Variants in PKP4 observed in about 807,000 individuals in gnomAD.
PKP4 encodes the protein plakophilin-4.
PKP4 carries 90 observed loss-of-function variants against 145.1 expected under a neutral mutation model. The observed-to-expected ratio is 0.62, with a 90% confidence interval of 0.52 to 0.74. The LOEUF is 0.74. Ranked by LOEUF, PKP4 falls within the 30% of genes least tolerant of loss-of-function variation. The pLI is 0.00. For synonymous variants in PKP4, 563 were observed against 577.2 expected, an observed-to-expected ratio of 0.98 and a Z score of 0.35; for missense variants, 1,340 against 1,482.7, an observed-to-expected ratio of 0.90 and a Z score of 1.58.
At chr2:158,531,602 C>T (rs2043551873) in intron 1 of PKP4, among the ~76,000 whole-genome samples, 1 of 152,104 alleles carries the variant, frequency 6.6e-6, no homozygotes, top group African/African-American at 2.4e-5. Flanking sequence ...AATAAGCATT[C>T]CACATACACT....
chr2:158,517,684 G>C (rs2042041414), intron 1 of PKP4, among the ~76,000 whole-genome samples: 1 of 152,070 alleles, frequency 6.6e-6, no homozygotes, highest in Admixed American at 6.5e-5. Context: ...GAGAGGCCCA[G>C]GCGGGTAGAT....
chr2:158,617,955 G>A (rs2051807085), intron 4 of PKP4, among the ~76,000 whole-genome samples: 1 of 152,196 alleles, frequency 6.6e-6, no homozygotes, highest in Non-Finnish European at 1.5e-5. Context: ...GGCCAAGATG[G>A]GCAGATCACT....
intron 4 of PKP4, among the ~76,000 whole-genome samples, chr2:158,610,237 AATGTT>A (rs2051016507): frequency 6.6e-6 from 1 of 152,022 alleles, no homozygotes; most frequent in African/African-American, 2.4e-5. Flanking sequence ...TTTCCGAGGG[AATGTT>A]ATGTTAGCGC....
intron 11 of PKP4, among the ~76,000 whole-genome samples, chr2:158,649,160 G>A (rs752818080): frequency 2.6e-5 from 4 of 152,152 alleles, no homozygotes; most frequent in Non-Finnish European, 5.9e-5. Context: ...AGAGAACTTT[G>A]AACTGGAAAG....
chr2:158,555,530 T>G (rs543676054), intron 2 of PKP4, among the ~76,000 whole-genome samples: 23 of 152,344 alleles, frequency 1.5e-4, no homozygotes, highest in African/African-American at 4.8e-4. Flanking sequence ...CATAAATGCT[T>G]CTCTGTTCTT....
chr2:158,523,958 G>C (rs2042695399), intron 1 of PKP4, among the ~76,000 whole-genome samples: 1 of 90,454 alleles, frequency 1.1e-5, no homozygotes, highest in African/African-American at 4.8e-5. Context: ...AATGAGCAAA[G>C]CCTCCAAGAA....
chr2:158,571,869 C>G (rs1000444822), intron 2 of PKP4, among the ~76,000 whole-genome samples: 1 of 152,080 alleles, frequency 6.6e-6, no homozygotes. Context: ...TCCTGCTCAT[C>G]AAAGGAGCGG....
rs1276624379 is a variant in PKP4, at chr2:158,528,046, A to C, written c.-5-5134A>C. On this transcript the variant is annotated intron_variant, in intron 1 of 21. Coordinates refer to ENST00000389759, the MANE Select transcript of PKP4 (RefSeq NM_003628.6). ...ACTTTTACACTGTTGGTGGGACTGT[A>C]AACTAGTTCAACCATTGTGGAAGTC... is the stretch of plus-strand genomic sequence containing the variant. Among the ~76,000 whole-genome samples the C allele has an allele frequency of 9.5e-4, 42 of 44,248 alleles. 4 individuals are homozygous for C. In the South Asian group the frequency reaches 0.048, roughly 51 times the overall value. 29.0% of individuals were successfully genotyped at this position (44,248 alleles called of 152,430 possible). A position where few individuals can be genotyped will look rare whatever the true frequency, so the allele number is the denominator to read the frequency against.
At chr2:158,523,000 A>T (rs1016680473) in intron 1 of PKP4, among the ~76,000 whole-genome samples, 1 of 152,060 alleles carries the variant, frequency 6.6e-6, no homozygotes. Context: ...AATCTCGCTG[A>T]TTGCTAGCAC....
intron 4 of PKP4, among the ~76,000 whole-genome samples, chr2:158,609,042 C>A (rs544312442): frequency 6.6e-6 from 1 of 151,914 alleles, no homozygotes; most frequent in Admixed American, 6.6e-5. Context: ...GTCTCGAACT[C>A]CTAACCTCAG....
At position 158,542,172 on chromosome 2, in the gene PKP4, G is replaced by A. The variant is rs374276770; in HGVS notation, c.132+8856G>A. On this transcript the variant is annotated intron_variant, in intron 2 of 21. Coordinates refer to ENST00000389759, the MANE Select transcript of PKP4 (RefSeq NM_003628.6). ...CCCATGGTTTAAGTCTAGGACTATT[G>A]GAAGGGATGCTGCTTACTGGAGATT... 5.9e-4 allele frequency among the ~76,000 whole-genome samples: 90 copies of A among 152,180 alleles called. 3 individuals carry two copies. The South Asian group carries it at 0.018, about 30-fold the overall frequency.
chr2:158,551,448 A>T (rs757800539), intron 2 of PKP4, among the ~76,000 whole-genome samples: 16 of 152,200 alleles, frequency 1.1e-4, no homozygotes, highest in Admixed American at 2.6e-4. Context: ...TACTAAAACC[A>T]TCTCAGTTAG....
At chr2:158,640,822 G>T in intron 10 of PKP4, 63 bp downstream of exon 10, 1 of 1,562,630 alleles carries the variant, frequency 6.4e-7, no homozygotes, top group Non-Finnish European at 8.8e-7. Flanking sequence ...ACAGCCACGT[G>T]CTTCTGTATT....
chr2:158,460,741 T>A lies in PKP4; in HGVS notation c.-6+3523T>A, dbSNP rs573686306. Among the ~76,000 whole-genome samples the A allele has an allele frequency of 2.2e-4, 34 of 152,350 alleles. 2 individuals carry two copies. In the South Asian group the frequency reaches 7.0e-3, roughly 32 times the overall value. ...CTATAGGGTTATTTTAGGGCATAAATGCCTATGGTATTGTATGTCAGTTTG... is the reference window on the plus strand; with the variant it reads ...CTATAGGGTTATTTTAGGGCATAAAAGCCTATGGTATTGTATGTCAGTTTG... On this transcript the variant is annotated intron_variant, in intron 1 of 21. Transcript: ENST00000389759.
chr2:158,468,386 C>A (rs1690991512), intron 1 of PKP4, among the ~76,000 whole-genome samples: 1 of 151,890 alleles, frequency 6.6e-6, no homozygotes. Flanking sequence ...TTAGGAAAAC[C>A]CCATTGATTT....
chr2:158,462,424 C>T (rs1689913871), intron 1 of PKP4, among the ~76,000 whole-genome samples: 2 of 151,440 alleles, frequency 1.3e-5, no homozygotes, highest in Admixed American at 1.3e-4. Flanking sequence ...TATACATAAT[C>T]AGCCCTGTTT....
intron 6 of PKP4, among the ~76,000 whole-genome samples, chr2:158,623,234 C>T (rs2052426378): frequency 6.6e-6 from 1 of 152,116 alleles, no homozygotes; most frequent in South Asian, 2.1e-4. Flanking sequence ...TACAATATGG[C>T]AAAATCATAG....
Position 158,661,573 on chromosome 2 carries a change from C to G in PKP4, c.2211+123C>G, listed in dbSNP as rs1041116463. The G allele has an allele frequency of 5.9e-5, 39 of 665,678 alleles. No individual in the cohort carries two copies. The African/African-American group carries it at 6.8e-4, about 12-fold the overall frequency. The allele number at this position is 665,678 out of a possible 1,614,324, so 41.2% of individuals were successfully genotyped here. On this transcript the variant is annotated intron_variant, in intron 13 of 21. Transcript: ENST00000389759. The stretch of plus-strand genomic sequence containing the variant: ...CCTGTCCTCCTCAGGAGGCCACTCT[C>G]CAGATCAAAGGGCAAGTCTCCAAAG...
At position 158,529,019 on chromosome 2, in the gene PKP4, A is replaced by G. The variant is rs141290848; in HGVS notation, c.-5-4161A>G. Among the ~76,000 whole-genome samples, 227 of 152,312 alleles carry G rather than the reference A, an allele frequency of 1.5e-3. 1 individual carries two copies. Among genetic ancestry groups the G allele is most frequent in the African/African-American group, 5.0e-3 (208 of 41,566 alleles). On this transcript the variant is annotated intron_variant, in intron 1 of 21. Coordinates refer to ENST00000389759, the MANE Select transcript of PKP4 (RefSeq NM_003628.6). ...AGATTTAGAGTTTCCTGTCTCTGCC[A>G]CACACAGTGCAGCATCTCTTCTACA...
Sources: allele counts gnomAD v4.1 joint callset (sites outside exome capture counted in the v4.1 genomes callset), GRCh38; gene constraint gnomAD v4.1.1; transcripts MANE v1.5; gene names NCBI Gene and HGNC (gene_info 2026-07-23, HGNC 2026-07-21).